Variants in OR51E1 observed in about 807,000 individuals in gnomAD.
The protein encoded by OR51E1 is olfactory receptor family 51 subfamily E member 1.
In OR51E1, 9 loss-of-function variants were observed where a neutral mutation model predicts 11.5. That is an observed-to-expected ratio of 0.78 (90% confidence interval 0.47 to 1.37). The LOEUF (loss-of-function observed/expected upper bound fraction) is 1.37. OR51E1 is among the 40% of genes most tolerant of loss of function. The probability of loss-of-function intolerance (pLI) is 0.00; values close to 1 mark genes in which losing one functional copy is unlikely to be tolerated. For synonymous variants in OR51E1, 168 were observed against 158.3 expected, an observed-to-expected ratio of 1.06 and a Z score of -0.46; for missense variants, 397 against 410.2, an observed-to-expected ratio of 0.97 and a Z score of 0.28.
rs564730516 is a variant in OR51E1, at chr11:4,647,013, T to C, written c.-40+2983T>C. Among the ~76,000 whole-genome samples the C allele has an allele frequency of 2.0e-5, 3 of 152,286 alleles. No individual in the cohort carries two copies. The South Asian group carries it at 6.2e-4, about 32-fold the overall frequency. ...TCACCCATAATATAGAGAGGATCCA[T>C]GGTGCAGCAAGAAGGGATGTTGATG... is the stretch of plus-strand genomic sequence containing the variant. On this transcript the variant is annotated intron_variant, in intron 1 of 1. Coordinates refer to ENST00000396952, the MANE Select transcript of OR51E1 (RefSeq NM_152430.4).
intron 1 of OR51E1, among the ~76,000 whole-genome samples, chr11:4,644,697 G>T (rs1259343462): frequency 6.6e-6 from 1 of 152,104 alleles, no homozygotes; most frequent in African/African-American, 2.4e-5. Flanking sequence ...TCCAAACAAG[G>T]TCTGTTCTCT....
chr11:4,650,850 A>G (rs567325398), intron 1 of OR51E1, among the ~76,000 whole-genome samples: 77 of 152,204 alleles, frequency 5.1e-4, no homozygotes, highest in African/African-American at 1.6e-3. Context: ...GAGCACCAAC[A>G]TGATGCTCAA....
chr11:4,649,060 T>G (rs2133225278), intron 1 of OR51E1, among the ~76,000 whole-genome samples: 1 of 152,306 alleles, frequency 6.6e-6, no homozygotes, highest in African/African-American at 2.4e-5. Context: ...AGATGTATAC[T>G]AAGAGACTCT....
At chr11:4,650,030 C>G (rs960489901) in intron 1 of OR51E1, among the ~76,000 whole-genome samples, 2 of 152,148 alleles carry the variant, frequency 1.3e-5, no homozygotes, top group Non-Finnish European at 2.9e-5. Flanking sequence ...CTATATAATA[C>G]TGCCTCTGAA....
At chr11:4,644,269 T>C (rs1348127587) in intron 1 of OR51E1, among the ~76,000 whole-genome samples, 1 of 152,020 alleles carries the variant, frequency 6.6e-6, no homozygotes, top group Admixed American at 6.5e-5. Context: ...AGTTTTTCAG[T>C]GATTAGTTTA....
In OR51E1 at chr11:4,645,588, A is replaced by G. The variant is rs116398230; in HGVS notation, c.-40+1558A>G. Among the ~76,000 whole-genome samples, 554 of 152,342 alleles carry G rather than the reference A, an allele frequency of 3.6e-3. 2 individuals carry two copies. The highest frequency in any genetic ancestry group is 0.012 in the African/African-American group (519 of 41,558). On this transcript the variant is annotated intron_variant, in intron 1 of 1. Transcript: ENST00000396952. ...GAAGTCCGTCAATGATTATTGAAAA[A>G]ATGAGTACACTGATCAAAATCCCAC...
chr11:4,647,484 C>T (rs1409563417), intron 1 of OR51E1, among the ~76,000 whole-genome samples: 2 of 152,106 alleles, frequency 1.3e-5, no homozygotes, highest in Non-Finnish European at 2.9e-5. Context: ...GGCTTCCTCT[C>T]CATCCCTTCA....
In OR51E1 at chr11:4,653,022, A is replaced by C. The variant is rs1847120695; in HGVS notation, c.496A>C (p.Ile166Leu). The change falls in exon 2 of 2, where the codon ATC becomes CTC. Residue 166 changes from isoleucine (I) to leucine (L), a missense_variant. By Grantham distance (5) the Ile-to-Leu change is conservative. Transcript: ENST00000396952. ...ACTGATGGCACCCCTTCCTGTCTTCATCAAGCAGCTGCCCTTCTGCCGCTC... is the reference window on the plus strand; with the variant it reads ...ACTGATGGCACCCCTTCCTGTCTTCCTCAAGCAGCTGCCCTTCTGCCGCTC... ...AALMAPLPVFIKQLPFCRSNI... is the reference protein window; with the variant it reads ...AALMAPLPVFLKQLPFCRSNI... 1 of 1,608,796 alleles carries C rather than the reference A, an allele frequency of 6.2e-7. No individual in the cohort carries two copies. The highest frequency in any genetic ancestry group is 8.5e-7 in the Non-Finnish European group (1 of 1,177,008).
intron 1 of OR51E1, among the ~76,000 whole-genome samples, chr11:4,651,084 C>T (rs898219241): frequency 2.0e-5 from 3 of 152,162 alleles, no homozygotes; most frequent in African/African-American, 4.8e-5. Flanking sequence ...TTAACAGACA[C>T]ATACAATCTG....
chr11:4,644,688 C>G lies in OR51E1; in HGVS notation c.-40+658C>G, dbSNP rs150760177. Among the ~76,000 whole-genome samples, 1,514 of 152,232 alleles carry G rather than the reference C, an allele frequency of 9.9e-3. 10 individuals carry two copies. The highest frequency in any genetic ancestry group is 0.015 in the Non-Finnish European group (1,052 of 68,004). On this transcript the variant is annotated intron_variant, in intron 1 of 1. Transcript: ENST00000396952. ...GCTACACTAAGTCACTTTCAGCTTT[C>G]CAAACAAGGTCTGTTCTCTTTCTCT...
intron 1 of OR51E1, among the ~76,000 whole-genome samples, chr11:4,649,964 G>A (rs1315732006): frequency 4.6e-5 from 7 of 152,128 alleles, no homozygotes; most frequent in Non-Finnish European, 1.0e-4. Flanking sequence ...CAGCTCTAGA[G>A]GTTTTAGACT....
Position 4,653,451 on chromosome 11 carries a change from T to C in OR51E1, c.925T>C (p.Phe309Leu). 6.2e-7 allele frequency: 1 copy of C among 1,613,296 alleles called. No individual in the cohort carries two copies. ...KEIRQRILRLFHVATHASEP is the reference protein window; with the variant it reads ...KEIRQRILRLLHVATHASEP Reference sequence around the variant, plus strand: ...GATTCGACAGCGCATCCTTCGACTTTTCCATGTGGCCACACACGCTTCAGA... The same window carrying C: ...GATTCGACAGCGCATCCTTCGACTTCTCCATGTGGCCACACACGCTTCAGA... The change falls in exon 2 of 2, where the codon TTC becomes CTC. Residue 309 changes from phenylalanine to leucine, a missense_variant. Transcript: ENST00000396952.
At position 4,645,774 on chromosome 11, in the gene OR51E1, AT is replaced by A. The variant is rs373596477; in HGVS notation, c.-40+1748del. On this transcript the variant is annotated intron_variant, in intron 1 of 1. Coordinates refer to ENST00000396952, the MANE Select transcript of OR51E1 (RefSeq NM_152430.4). The stretch of plus-strand genomic sequence containing the variant: ...AACCTAGGAACTCTGCCTAGGGGTG[AT>A]TTTAGGTGGTCAGGCTGACTTGAGT... 1.5e-3 allele frequency among the ~76,000 whole-genome samples: 235 copies of A among 152,206 alleles called. 1 individual carries two copies. The highest frequency in any genetic ancestry group is 5.3e-3 in the African/African-American group (221 of 41,522).
chr11:4,644,602 C>A (rs561516370), intron 1 of OR51E1, among the ~76,000 whole-genome samples: 1 of 152,168 alleles, frequency 6.6e-6, no homozygotes, highest in South Asian at 2.1e-4. Flanking sequence ...GTCTTCAGCC[C>A]ATTTAAAAAG....
At chr11:4,649,944 C>A (rs1242710924) in intron 1 of OR51E1, among the ~76,000 whole-genome samples, 1 of 152,086 alleles carries the variant, frequency 6.6e-6, no homozygotes, top group Admixed American at 6.5e-5. Flanking sequence ...ATGATTTACC[C>A]CAGATCATAC....
At chr11:4,647,204 G>C (rs1272348157) in intron 1 of OR51E1, among the ~76,000 whole-genome samples, 5 of 152,174 alleles carry the variant, frequency 3.3e-5, no homozygotes, top group African/African-American at 2.4e-5. Context: ...TTTTGTAGGT[G>C]CTCAATAATC....
chr11:4,651,652 G>A (rs1305085455), intron 1 of OR51E1, among the ~76,000 whole-genome samples: 1 of 152,202 alleles, frequency 6.6e-6, no homozygotes, highest in Non-Finnish European at 1.5e-5. Context: ...TCAATGCTCA[G>A]TGCAGATGGG....
chr11:4,654,496 T>A lies in OR51E1; in HGVS notation c.*1013T>A, dbSNP rs1195038404. 1 of 167,090 alleles carries A rather than the reference T, an allele frequency of 6.0e-6. No individual in the cohort carries two copies. The highest frequency in any genetic ancestry group is 1.5e-5 in the Non-Finnish European group (1 of 68,122). The allele number at this position is 167,090 out of a possible 1,614,324, so 10.4% of individuals were successfully genotyped here. A position where few individuals can be genotyped will look rare whatever the true frequency, so the allele number is the denominator to read the frequency against. On this transcript the variant is annotated 3_prime_UTR_variant, in exon 2 of 2. Transcript: ENST00000396952. ...GTTCACCATTATGGAAGATTCTTAT[T>A]CAGAAAGTCTGCATAGGGCTTATAG...
intron 1 of OR51E1, among the ~76,000 whole-genome samples, chr11:4,648,717 G>A (rs1847058067): frequency 6.6e-6 from 1 of 152,188 alleles, no homozygotes; most frequent in Admixed American, 6.5e-5. Context: ...ATGGATATCT[G>A]ACCCTCTGGA....
Sources: allele counts gnomAD v4.1 joint callset (sites outside exome capture counted in the v4.1 genomes callset), GRCh38; gene constraint gnomAD v4.1.1; transcripts MANE v1.5; gene names NCBI Gene and HGNC (gene_info 2026-07-23, HGNC 2026-07-21).